SLC38A1: variants seen among roughly 807,000 people sequenced by gnomAD.
SLC38A1 encodes solute carrier family 38 member 1, also known as sodium-coupled neutral amino acid symporter 1.
In SLC38A1, 18 loss-of-function variants were observed where a neutral mutation model predicts 60.3. The ratio of observed to expected loss-of-function variants is 0.30; its 90% confidence interval spans 0.21 to 0.44. The LOEUF (loss-of-function observed/expected upper bound fraction) is 0.44, where lower values mean the gene tolerates loss of function less well. Ranked by LOEUF, SLC38A1 falls within the 20% of genes least tolerant of loss-of-function variation. SLC38A1 has a pLI of 1.00. For synonymous variants in SLC38A1, 196 were observed against 212.1 expected, an observed-to-expected ratio of 0.92 and a Z score of 0.66; for missense variants, 448 against 587.2, an observed-to-expected ratio of 0.76 and a Z score of 2.45.
chr12:46,254,697 C>T (rs1941964616), intron 1 of SLC38A1: 1 of 152,206 alleles, frequency 6.6e-6, no homozygotes, highest in African/African-American at 2.4e-5. Flanking sequence ...GCATGCTGTT[C>T]CAGTCAAAGC....
At chr12:46,213,218 T>A (rs1940253521) in intron 5 of SLC38A1, among the ~76,000 whole-genome samples, 2 of 152,174 alleles carry the variant, frequency 1.3e-5, no homozygotes, top group African/African-American at 4.8e-5. Context: ...TCTTTCAAGG[T>A]AATCTATTTT....
chr12:46,239,867 A>G lies in SLC38A1; in HGVS notation c.-67T>C, dbSNP rs912353660. The G allele has an allele frequency of 1.3e-6, 2 of 1,546,088 alleles. No individual in the cohort carries two copies. Among genetic ancestry groups the G allele is most frequent in the Non-Finnish European group, 1.8e-6 (2 of 1,130,086 alleles). Reference sequence around the variant, plus strand: ...TCCTGTTCTGAGTGTATTTAGAAGTAGATACCAAAATGGAAGCTTGACACC... The same window carrying G: ...TCCTGTTCTGAGTGTATTTAGAAGTGGATACCAAAATGGAAGCTTGACACC... On this transcript the variant is annotated 5_prime_UTR_variant, in exon 3 of 17. Transcript: ENST00000398637.
rs560633044 is a variant in SLC38A1 at position 46,234,503 on chromosome 12, A to G, written c.123-4864T>C. 2.8e-3 allele frequency among the ~76,000 whole-genome samples: 400 copies of G among 144,268 alleles called. 1 individual carries two copies. The highest frequency in any genetic ancestry group is 9.9e-3 in the African/African-American group (376 of 38,084). 94.6% of individuals were successfully genotyped at this position (144,268 alleles called of 152,430 possible). The stretch of plus-strand genomic sequence containing the variant: ...CTGTCTTTCGCCCAGGCCGGACTGC[A>G]GTGGCGCTATCTCGGCTCACTGCAA... On this transcript the variant is annotated intron_variant, in intron 3 of 16. Transcript: ENST00000398637.
chr12:46,256,862 T>C (rs985848620), intron 1 of SLC38A1, among the ~76,000 whole-genome samples: 3 of 152,166 alleles, frequency 2.0e-5, no homozygotes, highest in South Asian at 2.1e-4. Context: ...TAACACCCAA[T>C]ATCAAACTGG....
rs556891764 is a variant in SLC38A1 at position 46,263,827 on chromosome 12, T to C, written c.-209+4699A>G. Among the ~76,000 whole-genome samples the C allele has an allele frequency of 2.0e-5, 3 of 152,324 alleles. No individual in the cohort carries two copies. In the South Asian group the frequency reaches 6.2e-4, roughly 32 times the overall value. On this transcript the variant is annotated intron_variant, in intron 1 of 16. Transcript: ENST00000398637. ...GTAACCTGAGGCTGTGGCTCCATGA[T>C]GTCAACAAATGGTTGGTTTAGTAAA...
intron 5 of SLC38A1, among the ~76,000 whole-genome samples, chr12:46,212,375 A>C (rs539776107): frequency 4.6e-5 from 7 of 152,234 alleles, no homozygotes; most frequent in Non-Finnish European, 1.0e-4. Context: ...ACCACTGACC[A>C]CAAGTATTAA....
intron 1 of SLC38A1, among the ~76,000 whole-genome samples, chr12:46,259,249 G>C (rs1206924146): frequency 1.3e-5 from 2 of 151,828 alleles, no homozygotes; most frequent in Non-Finnish European, 2.9e-5. Context: ...AACTGACTGT[G>C]TCTGTTTACC....
At chr12:46,244,648 G>T (rs1565788256) in intron 1 of SLC38A1, among the ~76,000 whole-genome samples, 1 of 152,188 alleles carries the variant, frequency 6.6e-6, no homozygotes, top group East Asian at 1.9e-4. Flanking sequence ...TTGAGATAAT[G>T]GCTTCCTGAT....
intron 1 of SLC38A1, among the ~76,000 whole-genome samples, chr12:46,264,057 T>A (rs1002277955): frequency 4.6e-5 from 7 of 152,198 alleles, no homozygotes; most frequent in African/African-American, 1.4e-4. Flanking sequence ...TAAATCTGAA[T>A]CTCTGGAGTT....
rs114140956 is a variant in SLC38A1, at chr12:46,196,182, C to A, written c.1362+1538G>T. 10 of 1,536,040 alleles carry A rather than the reference C, an allele frequency of 6.5e-6. No individual in the cohort carries two copies. In the Middle Eastern group the frequency reaches 5.0e-4, roughly 77 times the overall value. ...AGAACACAAGATTATAAGTTCCTTG[C>A]GCTTGAGCATGTTCAGTGAGAGCGC... is the stretch of plus-strand genomic sequence containing the variant. On this transcript the variant is annotated intron_variant, in intron 16 of 16. Coordinates refer to ENST00000398637, the MANE Select transcript of SLC38A1 (RefSeq NM_030674.4).
At chr12:46,211,889 A>T (rs1171514627) in intron 5 of SLC38A1, among the ~76,000 whole-genome samples, 1 of 152,152 alleles carries the variant, frequency 6.6e-6, no homozygotes, top group African/African-American at 2.4e-5. Flanking sequence ...TCCAAGACTG[A>T]AAATTAATAT....
At chr12:46,189,132 G>T in intron 16 of SLC38A1, 61 bp from the exon 17 acceptor site, 1 of 1,282,756 alleles carries the variant, frequency 7.8e-7, no homozygotes, top group Non-Finnish European at 1.1e-6. Flanking sequence ...ACATGTACCT[G>T]GGGAAAAAAA....
At position 46,188,558 on chromosome 12, in the gene SLC38A1, A is replaced by G. The variant is rs1383069905; in HGVS notation, c.*412T>C. 6.5e-6 allele frequency: 1 copy of G among 154,862 alleles called. No individual in the cohort carries two copies. The highest frequency in any genetic ancestry group is 2.4e-5 in the African/African-American group (1 of 41,508). 9.6% of individuals were successfully genotyped at this position (154,862 alleles called of 1,614,324 possible). A position where few individuals can be genotyped will look rare whatever the true frequency, so the allele number is the denominator to read the frequency against. Reference sequence around the variant, plus strand: ...ACAATTCAAGATTCTTTTCTCTTCTAAAAAGGTACAGATAGTGTGAGCTGA... The same window carrying G: ...ACAATTCAAGATTCTTTTCTCTTCTGAAAAGGTACAGATAGTGTGAGCTGA... On this transcript the variant is annotated 3_prime_UTR_variant, in exon 17 of 17. Transcript: ENST00000398637.
At position 46,186,304 on chromosome 12, in the gene SLC38A1, C is replaced by G. The variant is rs74084325; in HGVS notation, c.*2666G>C. The G allele has an allele frequency of 6.3e-4, 96 of 152,262 alleles. No homozygotes were observed. The highest frequency in any genetic ancestry group is 2.2e-3 in the African/African-American group (93 of 41,556). The allele number at this position is 152,262 out of a possible 1,614,324, so 9.4% of individuals were successfully genotyped here. A position where few individuals can be genotyped will look rare whatever the true frequency, so the allele number is the denominator to read the frequency against. ...ATTCTGTGTTACAATAACTAGAGAACAGTTCTAAGTCCAAAGTGTGGAACT... is the reference window on the plus strand; with the variant it reads ...ATTCTGTGTTACAATAACTAGAGAAGAGTTCTAAGTCCAAAGTGTGGAACT... On this transcript the variant is annotated 3_prime_UTR_variant, in exon 17 of 17. Transcript: ENST00000398637.
chr12:46,243,892 T>C (rs1463191661), intron 1 of SLC38A1, among the ~76,000 whole-genome samples: 1 of 152,258 alleles, frequency 6.6e-6, no homozygotes, highest in Non-Finnish European at 1.5e-5. Context: ...ATTGGTACAA[T>C]TTATTAATAG....
rs1026971090 is a variant in SLC38A1, at chr12:46,219,011, G to T, written c.315-9884C>A. The stretch of plus-strand genomic sequence containing the variant: ...ATGATGTTACCCCGAGGAGCAATTT[G>T]GGGAGGTTCAGACTCTTGGAGCCAG... On this transcript the variant is annotated intron_variant, in intron 5 of 16. Transcript: ENST00000398637. 3.9e-5 allele frequency among the ~76,000 whole-genome samples: 6 copies of T among 152,286 alleles called. No homozygotes were observed. In the East Asian group the frequency reaches 5.8e-4, roughly 15 times the overall value.
At position 46,206,117 on chromosome 12, in the gene SLC38A1, A is replaced by T; in HGVS notation, c.609T>A (p.Phe203Leu). 1 of 1,612,394 alleles carries T rather than the reference A, an allele frequency of 6.2e-7. No individual in the cohort carries two copies. Among genetic ancestry groups the T allele is most frequent in the Non-Finnish European group, 8.5e-7 (1 of 1,178,884 alleles). The part of the protein sequence containing the change: ...DGRVLVVIVT[F>L]GIILPLCLLK... ...AGAGACACAGAGGGAGAATTATGCC[A>T]AAGGTAACTATCACCACCAGAACGC... is the stretch of plus-strand genomic sequence containing the variant. The change falls in exon 9 of 17, where the codon TTT becomes TTA. Residue 203 changes from phenylalanine to leucine, a missense_variant. Phe to Leu is a conservative substitution (Grantham distance 22). Coordinates refer to ENST00000398637, the MANE Select transcript of SLC38A1 (RefSeq NM_030674.4).
At chr12:46,245,317 T>C (rs1941576979) in intron 1 of SLC38A1, among the ~76,000 whole-genome samples, 1 of 152,192 alleles carries the variant, frequency 6.6e-6, no homozygotes, top group African/African-American at 2.4e-5. Context: ...TTAGTAGACA[T>C]TTCTCCAAAG....
chr12:46,196,475 C>T (rs758479861), intron 16 of SLC38A1, among the ~76,000 whole-genome samples: 1 of 152,154 alleles, frequency 6.6e-6, no homozygotes, highest in Non-Finnish European at 1.5e-5. Context: ...CCACCATTTT[C>T]AGATTTAATC....
Sources: allele counts gnomAD v4.1 joint callset (sites outside exome capture counted in the v4.1 genomes callset), GRCh38; gene constraint gnomAD v4.1.1; transcripts MANE v1.5; gene names NCBI Gene and HGNC (gene_info 2026-07-23, HGNC 2026-07-21).